SLC7A13: variants seen among roughly 807,000 people sequenced by gnomAD.
The protein encoded by SLC7A13 is solute carrier family 7 member 13.
SLC7A13 carries 31 observed loss-of-function variants against 32.0 expected under a neutral mutation model. The observed-to-expected ratio is 0.97, with a 90% CI of 0.73 to 1.31. The LOEUF (loss-of-function observed/expected upper bound fraction) is 1.31, where lower values mean the gene tolerates loss of function less well. Among genes scored for constraint, SLC7A13 ranks in the 50% most tolerant of loss-of-function variants. The pLI is 0.00. For synonymous variants in SLC7A13, 232 were observed against 206.9 expected, an observed-to-expected ratio of 1.12 and a Z score of -1.04; for missense variants, 633 against 546.9, an observed-to-expected ratio of 1.16 and a Z score of -1.57.
chr8:86,225,317 C>A (rs75747749), intron 1 of SLC7A13, among the ~76,000 whole-genome samples: 2 of 152,050 alleles, frequency 1.3e-5, no homozygotes, highest in African/African-American at 2.4e-5. Context: ...TAACCCTGCC[C>A]GCACCACTTT....
chr8:86,230,053 T>C lies in SLC7A13; in HGVS notation c.225A>G (p.Pro75=). 1 of 1,614,148 alleles carries C rather than the reference T, an allele frequency of 6.2e-7. No individual in the cohort carries two copies. The highest frequency in any genetic ancestry group is 1.7e-5 in the Admixed American group (1 of 60,006). Residue 75 remains proline (P), a synonymous_variant, in exon 1 of 4, where the codon CCA becomes CCG. Transcript: ENST00000297524. The part of the protein sequence containing the change: ...LCSAEISISF[P]CSGAQYYFLK... ...GAAAATAGTATTGAGCTCCACTGCATGGGAAGCTTATACTTATCTCTGCAG... is the reference window on the plus strand; with the variant it reads ...GAAAATAGTATTGAGCTCCACTGCACGGGAAGCTTATACTTATCTCTGCAG...
rs192418837 is a variant in SLC7A13, at chr8:86,214,533, G to T, written c.1293C>A (p.Ser431Arg). Reference sequence around the variant, plus strand: ...TTAAAGGTATGTAAAATAGTAATCCGCTGAGAACTAACAGAAGCACGTAGA... The same window carrying T: ...TTAAAGGTATGTAAAATAGTAATCCTCTGAGAACTAACAGAAGCACGTAGA... ...HYVYVLLLVL[S>R]GLLFYIPLIH... The change falls in exon 4 of 4, where the codon AGC becomes AGA. Residue 431 changes from serine to arginine, a missense_variant. Coordinates refer to ENST00000297524, the MANE Select transcript of SLC7A13 (RefSeq NM_138817.3). 21 of 1,612,902 alleles carry T rather than the reference G, an allele frequency of 1.3e-5. No homozygotes were observed. Among genetic ancestry groups the T allele is most frequent in the Admixed American group, 3.3e-5 (2 of 59,938 alleles).
rs1234326593 is a variant in SLC7A13 at position 86,214,511 on chromosome 8, A to G, written c.1315T>C (p.Leu439=). The stretch of plus-strand genomic sequence containing the variant: ...GCCAATCTTATTTTAAAATGTATTA[A>G]AGGTATGTAAAATAGTAATCCGCTG... ...VLSGLLFYIP[L]IHFKIRLAWF... The change falls in exon 4 of 4, where the codon TTA becomes CTA. Residue 439 remains leucine (L), a synonymous_variant. Coordinates refer to ENST00000297524, the MANE Select transcript of SLC7A13 (RefSeq NM_138817.3). 6.2e-7 allele frequency: 1 copy of G among 1,612,732 alleles called. No homozygotes were observed. Among genetic ancestry groups the G allele is most frequent in the Non-Finnish European group, 8.5e-7 (1 of 1,179,200 alleles).
At chr8:86,222,882 A>AACAGT in intron 2 of SLC7A13, 90 bp downstream of exon 2, 2 of 1,255,040 alleles carry the variant, frequency 1.6e-6, no homozygotes, top group Non-Finnish European at 1.1e-6. Context: ...TAGAATAATG[A>AACAGT]ACAGTAAACA....
chr8:86,229,598 A>T lies in SLC7A13; in HGVS notation c.680T>A (p.Ile227Lys), dbSNP rs532897792. The change falls in exon 1 of 4, where the codon ATA becomes AAA. Residue 227 changes from isoleucine (I) to lysine (K), a missense_variant. Transcript: ENST00000297524. ...TTTCCTCAATGGATTGTTACCTGCT[A>T]TAAGTGTAAAGCATGCCCCGCCTGA... The part of the protein sequence containing the change: ...AYSGGACFTL[I>K]AGELKKPRTT... 1.9e-6 allele frequency: 3 copies of T among 1,611,838 alleles called. No individual in the cohort carries two copies. The East Asian group carries it at 6.7e-5, about 36-fold the overall frequency.
intron 1 of SLC7A13, among the ~76,000 whole-genome samples, chr8:86,229,139 GA>G (rs1180037499): frequency 2.7e-5 from 4 of 150,486 alleles, no homozygotes; most frequent in South Asian, 2.2e-4. Context: ...TCAATGAAAG[GA>G]AAAAATTATA....
Position 86,229,839 on chromosome 8 carries a change from T to G in SLC7A13, c.439A>C (p.Ile147Leu). 1 of 1,614,198 alleles carries G rather than the reference T, an allele frequency of 6.2e-7. No individual in the cohort carries two copies. The highest frequency in any genetic ancestry group is 8.5e-7 in the Non-Finnish European group (1 of 1,180,028). Residue 147 changes from isoleucine to leucine, a missense_variant, in exon 1 of 4, where the codon ATT (isoleucine) becomes CTT (leucine). Transcript: ENST00000297524. ...LALAMLWIVG[I>L]LTSRGVKEVT... ...TCTTTCACACCACGAGAAGTCAGAA[T>G]TCCTACAATCCACAACATGGCCAAT...
intron 1 of SLC7A13, among the ~76,000 whole-genome samples, chr8:86,226,656 T>A (rs1354109970): frequency 6.6e-6 from 1 of 152,196 alleles, no homozygotes; most frequent in Non-Finnish European, 1.5e-5. Context: ...CGTCTCTATG[T>A]ACTTGCCTTA....
At chr8:86,224,190 T>C (rs1820352246) in intron 1 of SLC7A13, among the ~76,000 whole-genome samples, 1 of 152,210 alleles carries the variant, frequency 6.6e-6, no homozygotes, top group South Asian at 2.1e-4. Context: ...TATGTGACAA[T>C]GTGACAGTTT....
chr8:86,222,275 T>C (rs1820310194), intron 2 of SLC7A13, among the ~76,000 whole-genome samples: 2 of 152,178 alleles, frequency 1.3e-5, no homozygotes, highest in South Asian at 4.1e-4. Context: ...TAATGCTGGC[T>C]TGAGGAAATT....
At chr8:86,219,039 T>C (rs931384941) in intron 2 of SLC7A13, among the ~76,000 whole-genome samples, 8 of 152,194 alleles carry the variant, frequency 5.3e-5, no homozygotes, top group African/African-American at 1.9e-4. Context: ...ATTTATTTTT[T>C]GTAACCCTTT....
At chr8:86,223,996 C>A (rs1820348024) in intron 1 of SLC7A13, among the ~76,000 whole-genome samples, 1 of 152,128 alleles carries the variant, frequency 6.6e-6, no homozygotes, top group African/African-American at 2.4e-5. Context: ...TTAGCCTCAT[C>A]TATTAAGTCC....
In SLC7A13 at chr8:86,230,096, A is replaced by G. The variant is rs1172385867; in HGVS notation, c.182T>C (p.Met61Thr). 6.2e-7 allele frequency: 1 copy of G among 1,614,210 alleles called. No homozygotes were observed. Among genetic ancestry groups the G allele is most frequent in the Non-Finnish European group, 8.5e-7 (1 of 1,180,050 alleles). The part of the protein sequence containing the change: ...CVWAGCAILA[M>T]TSTLCSAEIS... ...CTCTGCAGAGCAAAGAGTTGATGTCATGGCCAGTATGGCACAGCCAGCCCA... is the reference window on the plus strand; with the variant it reads ...CTCTGCAGAGCAAAGAGTTGATGTCGTGGCCAGTATGGCACAGCCAGCCCA... Residue 61 changes from methionine to threonine, a missense_variant, in exon 1 of 4, where the codon ATG becomes ACG. Coordinates refer to ENST00000297524, the MANE Select transcript of SLC7A13 (RefSeq NM_138817.3).
chr8:86,220,260 C>T (rs1412021217), intron 2 of SLC7A13, among the ~76,000 whole-genome samples: 1 of 152,020 alleles, frequency 6.6e-6, no homozygotes, highest in African/African-American at 2.4e-5. Flanking sequence ...ATGTGAGCAC[C>T]CCTGTCAGCA....
chr8:86,214,541 C>T lies in SLC7A13; in HGVS notation c.1285G>A (p.Val429Ile), dbSNP rs1820145621. Residue 429 changes from valine to isoleucine, a missense_variant, in exon 4 of 4, where the codon GTT becomes ATT. Coordinates refer to ENST00000297524, the MANE Select transcript of SLC7A13 (RefSeq NM_138817.3). ...ATGTAAAATAGTAATCCGCTGAGAA[C>T]TAACAGAAGCACGTAGACATAATGC... is the stretch of plus-strand genomic sequence containing the variant. The part of the protein sequence containing the change: ...NVHYVYVLLL[V>I]LSGLLFYIPL... 1 of 1,613,438 alleles carries T rather than the reference C, an allele frequency of 6.2e-7. No individual in the cohort carries two copies.
In SLC7A13 at chr8:86,230,004, C is replaced by A. The variant is rs913031510; in HGVS notation, c.274G>T (p.Val92Phe). Reference protein sequence around the residue: ...YFLKRYFGSTVAFLNLWTSLF... With the variant: ...YFLKRYFGSTFAFLNLWTSLF... ...GATGTCCAGAGATTCAAAAAAGCAA[C>A]CGTGGAGCCAAAGTATCTCTTGAGA... Residue 92 changes from valine to phenylalanine, a missense_variant, in exon 1 of 4, where the codon GTT (valine) becomes TTT (phenylalanine). Coordinates refer to ENST00000297524, the MANE Select transcript of SLC7A13 (RefSeq NM_138817.3). 1.9e-6 allele frequency: 3 copies of A among 1,614,060 alleles called. No individual in the cohort carries two copies. The highest frequency in any genetic ancestry group is 2.5e-6 in the Non-Finnish European group (3 of 1,180,028).
At position 86,223,089 on chromosome 8, in the gene SLC7A13, G is replaced by A; in HGVS notation, c.700C>T (p.Pro234Ser). 6.3e-7 allele frequency: 1 copy of A among 1,599,814 alleles called. No individual in the cohort carries two copies. The highest frequency in any genetic ancestry group is 8.5e-7 in the Non-Finnish European group (1 of 1,173,406). Residue 234 changes from proline to serine, a missense_variant, in exon 2 of 4, where the codon CCC (proline) becomes TCC (serine). Transcript: ENST00000297524. ...FTLIAGELKK[P>S]RTTIPKCIFT... is the part of the protein sequence containing the mutation. ...ATGCATTTGGGAATTGTTGTTCTGG[G>A]CTTCTTCAGCTCCCCTATAACACAA...
intron 2 of SLC7A13, among the ~76,000 whole-genome samples, chr8:86,221,368 C>T (rs1025020512): frequency 2.0e-5 from 3 of 151,938 alleles, no homozygotes; most frequent in African/African-American, 7.3e-5. Flanking sequence ...GATTACTATA[C>T]CTATACATAC....
intron 1 of SLC7A13, among the ~76,000 whole-genome samples, chr8:86,228,445 G>A (rs1315613564): frequency 1.3e-5 from 2 of 152,136 alleles, no homozygotes; most frequent in African/African-American, 4.8e-5. Context: ...TGCAATCATA[G>A]CTTACTGCAG....
Sources: allele counts gnomAD v4.1 joint callset (sites outside exome capture counted in the v4.1 genomes callset), GRCh38; gene constraint gnomAD v4.1.1; transcripts MANE v1.5; gene names NCBI Gene and HGNC (gene_info 2026-07-23, HGNC 2026-07-21).